Variants in TCTN1 observed in about 807,000 individuals in gnomAD.
TCTN1 encodes the protein tectonic family member 1, also known as tectonic-1.
A neutral mutation model predicts 65.8 loss-of-function variants in TCTN1; 58 were observed. That is an observed-to-expected ratio of 0.88 (90% CI 0.71 to 1.10). The LOEUF (loss-of-function observed/expected upper bound fraction) is 1.10, where lower values mean the gene tolerates loss of function less well. TCTN1 is among the 50% of genes least tolerant of loss of function. The probability of loss-of-function intolerance (pLI) is 0.00; values close to 1 mark genes in which losing one functional copy is unlikely to be tolerated. For missense variants in TCTN1, 645 were observed against 719.4 expected (o/e 0.90, Z 1.18); for synonymous variants, 273 against 289.1 (o/e 0.94, Z 0.57).
rs766174385 is a variant in TCTN1 at position 110,632,521 on chromosome 12, C to A, written c.674C>A (p.Ser225Tyr). The change falls in exon 5 of 15, where the codon TCC (serine) becomes TAC (tyrosine). Residue 225 changes from serine (S) to tyrosine (Y), a missense_variant. Transcript: ENST00000397659. ...TSDSFLRFPS[S>Y]LTSSLCTDNN... ...GATTCGTTTCTGAGATTTCCTTCGT[C>A]CCTGACATCATCTCTGTGCACTGAT... 1 of 1,613,918 alleles carries A rather than the reference C, an allele frequency of 6.2e-7. No homozygotes were observed. Among genetic ancestry groups the A allele is most frequent in the Non-Finnish European group, 8.5e-7 (1 of 1,179,946 alleles).
intron 1 of TCTN1, among the ~76,000 whole-genome samples, chr12:110,614,917 T>TC (rs2135837815): frequency 1.3e-5 from 2 of 152,234 alleles, no homozygotes; most frequent in African/African-American, 4.8e-5. Context: ...TTCTTAGGAG[T>TC]CATATGTAGG....
chr12:110,637,369 C>T (rs951719583), intron 7 of TCTN1, among the ~76,000 whole-genome samples: 1 of 152,174 alleles, frequency 6.6e-6, no homozygotes, highest in African/African-American at 2.4e-5. Context: ...ATGCTCTGCA[C>T]ACAAACATGT....
At chr12:110,638,145 G>C (rs2066706135) in intron 7 of TCTN1, among the ~76,000 whole-genome samples, 4 of 152,118 alleles carry the variant, frequency 2.6e-5, no homozygotes. Context: ...GCTGGGACAG[G>C]GATCTAGGTG....
At position 110,614,380 on chromosome 12, in the gene TCTN1, C is replaced by CT. The variant is rs751878274; in HGVS notation, c.198_199insT (p.Arg67Ter). 6 of 1,602,774 alleles carry CT rather than the reference C, an allele frequency of 3.7e-6. No individual in the cohort carries two copies. The highest frequency in any genetic ancestry group is 5.1e-6 in the Non-Finnish European group (6 of 1,175,256). On this transcript the variant is annotated frameshift_variant, in exon 1 of 15. Coordinates refer to ENST00000397659, the MANE Select transcript of TCTN1 (RefSeq NM_001082538.3). LOFTEE classifies it high-confidence loss of function. The stretch of plus-strand genomic sequence containing the variant: ...GGGCTCCAGGGCCCTCCTCCGGCCC[C>CT]AGGCCTACCCCAGTCACGGACGGTG...
rs781366326 is a variant in TCTN1 at position 110,644,985 on chromosome 12, G to A, written c.1350G>A (p.Pro450=). 1.3e-5 allele frequency: 21 copies of A among 1,614,110 alleles called. No individual in the cohort carries two copies. The highest frequency in any genetic ancestry group is 7.7e-5 in the South Asian group (7 of 91,088). ...CACCAAGACTGACTGGAGCTCTCCC[G>A]TGTCAGCTCGTAGCACAGAAGGTGA... is the stretch of plus-strand genomic sequence containing the variant. ...GCKLRLTGAL[P]CQLVAQKVKS... is the part of the protein sequence containing the mutation. The change falls in exon 12 of 15, where the codon CCG becomes CCA. Residue 450 remains proline (P), a synonymous_variant. Transcript: ENST00000397659. This position sits in a 1 kb window ranked among gnomAD's most constrained non-coding sequence, Gnocchi z 4.6.
chr12:110,636,339 C>T, intron 6 of TCTN1, 142 bp from the exon 7 acceptor site: 1 of 622,220 alleles, frequency 1.6e-6, no homozygotes, highest in Non-Finnish European at 2.9e-6. Context: ...GATGGGGAGT[C>T]TTGATCAAGG....
chr12:110,649,227 C>A lies in TCTN1; in HGVS notation c.*186C>A, dbSNP rs1593418483. On this transcript the variant is annotated 3_prime_UTR_variant, in exon 15 of 15. Coordinates refer to ENST00000397659, the MANE Select transcript of TCTN1 (RefSeq NM_001082538.3). ...ACAGTGTGGGGTGGGAGTGGATGGG[C>A]AGCTCTTGGTGGTACTGGACCTTCC... 7.4e-6 allele frequency: 5 copies of A among 671,980 alleles called. No homozygotes were observed. The highest frequency in any genetic ancestry group is 4.6e-5 in the Admixed American group (2 of 43,656). The allele number at this position is 671,980 out of a possible 1,614,324, so 41.6% of individuals were successfully genotyped here.
intron 1 of TCTN1, among the ~76,000 whole-genome samples, chr12:110,619,153 G>C (rs1488691600): frequency 6.6e-6 from 1 of 152,014 alleles, no homozygotes; most frequent in Non-Finnish European, 1.5e-5. Context: ...ACTCCAGCCT[G>C]GGCAACAAGA....
Position 110,647,815 on chromosome 12 carries a change from C to G in TCTN1, c.1702C>G (p.Pro568Ala). The stretch of plus-strand genomic sequence containing the variant: ...GGTTACTTTTGTGGATGTGTCTGCA[C>G]CTGCAGAGGCAGGCTTCAGAGCTCC... ...TAVTFVDVSAPAEAGFRAPPA... is the reference protein window; with the variant it reads ...TAVTFVDVSAAAEAGFRAPPA... The change falls in exon 14 of 15, where the codon CCT (proline) becomes GCT (alanine). Residue 568 changes from proline (P) to alanine (A), a missense_variant. Physicochemically the swap from Pro to Ala is conservative, Grantham distance 27. Transcript: ENST00000397659. 1.2e-6 allele frequency: 2 copies of G among 1,614,196 alleles called. No individual in the cohort carries two copies. The highest frequency in any genetic ancestry group is 4.5e-5 in the East Asian group (2 of 44,882).
chr12:110,630,805 A>G (rs1304063578), intron 4 of TCTN1, among the ~76,000 whole-genome samples: 1 of 152,198 alleles, frequency 6.6e-6, no homozygotes, highest in Non-Finnish European at 1.5e-5. Context: ...AAAATTTACC[A>G]TTGAGCATTT....
chr12:110,624,583 C>CT lies in TCTN1; in HGVS notation c.342-1763dup, dbSNP rs763826656. 2.6e-3 allele frequency among the ~76,000 whole-genome samples: 340 copies of CT among 133,130 alleles called. 1 individual carries two copies. Among genetic ancestry groups the CT allele is most frequent in the Admixed American group, 4.2e-3 (55 of 12,992 alleles). The allele number at this position is 133,130 out of a possible 152,430, so 87.3% of individuals were successfully genotyped here. On this transcript the variant is annotated intron_variant, in intron 2 of 14. Transcript: ENST00000397659. ...TGGTTGAAGACTTAACTCATAACTT[C>CT]TTTTTTTTTTTTTTTTGGGAGAGAG...
chr12:110,638,072 C>A (rs943982954), intron 7 of TCTN1, among the ~76,000 whole-genome samples: 1 of 151,662 alleles, frequency 6.6e-6, no homozygotes, highest in African/African-American at 2.4e-5. Flanking sequence ...CTGTCACTCT[C>A]TGGCAGATGA....
intron 2 of TCTN1, among the ~76,000 whole-genome samples, chr12:110,622,557 G>C (rs546238363): frequency 1.3e-5 from 2 of 152,192 alleles, no homozygotes; most frequent in Non-Finnish European, 1.5e-5. Flanking sequence ...TGAAGGACAC[G>C]TGGAAGATGG....
rs1219939972 is a variant in TCTN1 at position 110,644,841 on chromosome 12, G to T, written c.1332-126G>T. On this transcript the variant is annotated intron_variant, in intron 11 of 14. Coordinates refer to ENST00000397659, the MANE Select transcript of TCTN1 (RefSeq NM_001082538.3). The surrounding 1 kb of genome is among the most constrained non-coding windows in gnomAD (Gnocchi z 4.6). ...TGATGGTGCCACTGCACTCCAGCTT[G>T]GGCATCAGAGTGAGACCTTATCTCA... 2 of 1,250,556 alleles carry T rather than the reference G, an allele frequency of 1.6e-6. No individual in the cohort carries two copies. The highest frequency in any genetic ancestry group is 2.3e-6 in the Non-Finnish European group (2 of 866,968). 77.5% of individuals were successfully genotyped at this position (1,250,556 alleles called of 1,614,324 possible).
chr12:110,641,850 A>G, intron 10 of TCTN1: 2 of 571,346 alleles, frequency 3.5e-6, no homozygotes, highest in Non-Finnish European at 6.1e-6. Context: ...GTCCTGGGAA[A>G]ATGTCAGTGT....
At chr12:110,642,149 G>A (rs2066999244) in intron 10 of TCTN1, 100 bp from the exon 11 acceptor site, 6 of 1,504,316 alleles carry the variant, frequency 4.0e-6, no homozygotes, top group South Asian at 1.2e-5. Flanking sequence ...CAGAAAAAGT[G>A]TATTTGGGTC....
chr12:110,638,455 C>T (rs928571322), intron 7 of TCTN1, among the ~76,000 whole-genome samples: 1 of 152,180 alleles, frequency 6.6e-6, no homozygotes, highest in Non-Finnish European at 1.5e-5. Flanking sequence ...GTTATGATTG[C>T]CTGGAATCAT....
chr12:110,644,998 G>A lies in TCTN1; in HGVS notation c.1363G>A (p.Ala455Thr), dbSNP rs987022358. The A allele has an allele frequency of 1.2e-6, 2 of 1,614,242 alleles. No individual in the cohort carries two copies. The highest frequency in any genetic ancestry group is 1.7e-4 in the Middle Eastern group (1 of 6,060). Reference sequence around the variant, plus strand: ...TGGAGCTCTCCCGTGTCAGCTCGTAGCACAGAAGGTGAAGAGCCTGCTGTG... The same window carrying A: ...TGGAGCTCTCCCGTGTCAGCTCGTAACACAGAAGGTGAAGAGCCTGCTGTG... Reference protein sequence around the residue: ...LTGALPCQLVAQKVKSLLWGQ... With the variant: ...LTGALPCQLVTQKVKSLLWGQ... The change falls in exon 12 of 15, where the codon GCA becomes ACA. Residue 455 changes from alanine to threonine, a missense_variant. By Grantham distance (58) the Ala-to-Thr change is moderately conservative (BLOSUM62 0). Coordinates refer to ENST00000397659, the MANE Select transcript of TCTN1 (RefSeq NM_001082538.3). The surrounding 1 kb of genome is among the most constrained non-coding windows in gnomAD (Gnocchi z 4.6).
chr12:110,617,470 C>T (rs1234741249), intron 1 of TCTN1, among the ~76,000 whole-genome samples: 5 of 151,214 alleles, frequency 3.3e-5, no homozygotes, highest in Admixed American at 6.6e-5. Context: ...ATTACAGCCG[C>T]GCGCCACCAT....
Sources: allele counts gnomAD v4.1 joint callset (sites outside exome capture counted in the v4.1 genomes callset), GRCh38; gene constraint gnomAD v4.1.1; non-coding constraint Gnocchi (gnomAD v3.1); transcripts MANE v1.5; gene names NCBI Gene and HGNC (gene_info 2026-07-23, HGNC 2026-07-21).